The following ATAD2B variants were observed in gnomAD, a reference collection of about 807,000 sequenced individuals.
ATAD2B encodes the protein ATPase family AAA domain containing 2B.
In ATAD2B, 40 loss-of-function variants were observed where a neutral mutation model predicts 167.6. The observed-to-expected ratio is 0.24, with a 90% CI of 0.19 to 0.31. The LOEUF is 0.31. Among genes scored for constraint, ATAD2B ranks in the 10% least tolerant of loss-of-function variants. The pLI is 1.00. For synonymous variants in ATAD2B, 579 were observed against 596.5 expected (o/e 0.97, Z 0.43); for missense variants, 1,242 against 1,757.2 (o/e 0.71, Z 5.24).
At chr2:23,782,278 A>T (rs1292396675) in intron 22 of ATAD2B, among the ~76,000 whole-genome samples, 1 of 152,206 alleles carries the variant, frequency 6.6e-6, no homozygotes, top group Non-Finnish European at 1.5e-5. Flanking sequence ...TCCAAATCCT[A>T]TATGGTTCCC....
chr2:23,696,178 A>G, the ATAD2B span: 1 of 1,527,862 alleles, frequency 6.5e-7, no homozygotes, highest in Non-Finnish European at 8.8e-7. This position sits in a 1 kb window ranked among gnomAD's most constrained non-coding sequence, Gnocchi z 5.5. Context: ...TGGGGGTCCC[A>G]AGGGGACTGC....
At chr2:23,890,662 C>T (rs1699347550) in intron 2 of ATAD2B, among the ~76,000 whole-genome samples, 1 of 152,172 alleles carries the variant, frequency 6.6e-6, no homozygotes, top group South Asian at 2.1e-4. Context: ...TGAATTCTGA[C>T]TATATACAAA....
chr2:23,862,792 G>T (rs1010953524), intron 12 of ATAD2B, among the ~76,000 whole-genome samples: 15 of 152,052 alleles, frequency 9.9e-5, no homozygotes, highest in African/African-American at 3.6e-4. Flanking sequence ...TATGCCTGTT[G>T]TAGTTCCCCA....
chr2:23,861,926 C>T (rs1694428878), intron 12 of ATAD2B, among the ~76,000 whole-genome samples: 1 of 152,206 alleles, frequency 6.6e-6, no homozygotes. Context: ...CTGGGCCAGA[C>T]ACAGAGGCTC....
Position 23,788,564 on chromosome 2 carries a change from T to C in ATAD2B, c.2724A>G (p.Gln908=). 1 of 1,613,208 alleles carries C rather than the reference T, an allele frequency of 6.2e-7. No homozygotes were observed. ...PIEEDRRKFF[Q]ELILNQASMA... ...TTGATGCCTGATTGAGAATCAATTC[T>C]TGAAAAAATTTTCTTCTGTCTTCTT... is the stretch of plus-strand genomic sequence containing the variant. The change falls in exon 20 of 28, where the codon CAA becomes CAG. Residue 908 remains glutamine, a synonymous_variant. Transcript: ENST00000238789.
Position 23,786,207 on chromosome 2 carries a change from T to G in ATAD2B, c.2793A>C (p.Glu931Asp), listed in dbSNP as rs147132977. 7.5e-4 allele frequency: 1,179 copies of G among 1,580,218 alleles called. 9 individuals carry two copies. The African/African-American group carries it at 0.014, about 18-fold the overall frequency. ...GAGAAGGTAGTGCAAGAGGAAGCAC[T>G]TCCATAGCACAAAGAGCTAGAGAAA... ...RRKHAALCAM[E>D]VLPLALPSPP... The change falls in exon 21 of 28, where the codon GAA becomes GAC. Residue 931 changes from glutamate (E) to aspartate (D), a missense_variant. Around this residue, in one of 9 missense-constraint regions of ATAD2B, gnomAD observed 204 missense variants for 324.0 expected, o/e 0.63. Transcript: ENST00000238789.
the ATAD2B span, among the ~76,000 whole-genome samples, chr2:23,705,963 C>T: frequency 1.3e-5 from 2 of 152,232 alleles, no homozygotes; most frequent in African/African-American, 2.4e-5. Flanking sequence ...CCCTGCAGAG[C>T]ATGCCCGGCC....
At chr2:23,693,347 T>G in the ATAD2B span, 4 of 1,551,582 alleles carry the variant, frequency 2.6e-6, no homozygotes, top group Non-Finnish European at 2.6e-6. Flanking sequence ...CTCTACCACA[T>G]GGCCAAGGCC....
In ATAD2B at chr2:23,927,112, A is replaced by G. The variant is rs1705014413; in HGVS notation, c.-342T>C. On this transcript the variant is annotated 5_prime_UTR_variant, in exon 1 of 28. Transcript: ENST00000238789. ...CCGTGCGTCAAGGCTCCAGCGCCGC[A>G]GGGCCAACGAGACCGCTTCCGGCCG... 1 of 219,626 alleles carries G rather than the reference A, an allele frequency of 4.6e-6. No homozygotes were observed. Among genetic ancestry groups the G allele is most frequent in the Non-Finnish European group, 9.0e-6 (1 of 111,618 alleles). The allele number at this position is 219,626 out of a possible 1,614,324, so 13.6% of individuals were successfully genotyped here.
downstream of ATAD2B, among the ~76,000 whole-genome samples, chr2:23,745,360 GGAAGGAAA>G (rs1285712491): frequency 2.7e-4 from 32 of 117,852 alleles, no homozygotes; most frequent in African/African-American, 8.1e-4. Context: ...ATGGAAGGAA[GGAAGGAAA>G]GAAGGAAGGA....
rs1330222145 is a variant in ATAD2B, at chr2:23,749,874, A to G, written c.*2172T>C. ...AACATGTGCATTTTTTTTTCCTTTC[A>G]CAAGTGCTGCTGTTACTTGAAAAGA... On this transcript the variant is annotated 3_prime_UTR_variant, in exon 28 of 28. Coordinates refer to ENST00000238789, the MANE Select transcript of ATAD2B (RefSeq NM_017552.4). The G allele has an allele frequency of 6.6e-6, 1 of 151,854 alleles. No individual in the cohort carries two copies. The highest frequency in any genetic ancestry group is 1.9e-4 in the East Asian group (1 of 5,198). The allele number at this position is 151,854 out of a possible 1,614,324, so 9.4% of individuals were successfully genotyped here.
intron 8 of ATAD2B, chr2:23,873,146 C>T (rs1476278389): frequency 2.8e-6 from 1 of 354,318 alleles, no homozygotes; most frequent in East Asian, 6.4e-5. Context: ...TTCTCCCCAT[C>T]AGGAAAGTTC....
At chr2:23,915,257 G>A (rs1266823436) in intron 1 of ATAD2B, among the ~76,000 whole-genome samples, 3 of 151,998 alleles carry the variant, frequency 2.0e-5, no homozygotes, top group Non-Finnish European at 2.9e-5. Context: ...AACCAACACA[G>A]TAACCAAGTA....
At chr2:23,725,399 A>G in the ATAD2B span, among the ~76,000 whole-genome samples, 48 of 152,356 alleles carry the variant, frequency 3.2e-4, no homozygotes, top group African/African-American at 1.1e-3. Flanking sequence ...CTGTGTAAAT[A>G]TAACAGATTA....
intron 24 of ATAD2B, 125 bp from the exon 25 acceptor site, chr2:23,758,226 A>C (rs1676180090): frequency 1.4e-6 from 1 of 708,392 alleles, no homozygotes; most frequent in African/African-American, 1.8e-5. Flanking sequence ...AAAACTACTT[A>C]GCTCTTGACA....
chr2:23,895,985 T>A lies in ATAD2B; in HGVS notation c.217-15A>T, dbSNP rs981211054. On this transcript the variant is annotated splice_polypyrimidine_tract_variant and intron_variant, in intron 1 of 27. Coordinates refer to ENST00000238789, the MANE Select transcript of ATAD2B (RefSeq NM_017552.4). ...ACTTCAACTTTCTGAAAGACAATGT[T>A]AAAAATGTATTTATTATTCCTATTA... 6.3e-7 allele frequency: 1 copy of A among 1,598,212 alleles called. No homozygotes were observed. The highest frequency in any genetic ancestry group is 1.3e-5 in the African/African-American group (1 of 74,544).
Position 23,823,577 on chromosome 2 carries a change from A to C in ATAD2B, c.1820-8T>G, listed in dbSNP as rs1687791041. Reference sequence around the variant, plus strand: ...TATCGGCTCCACAGTAGCCTAATACACAAAAGGAGAAGGATAGCAAAGGTA... The same window carrying C: ...TATCGGCTCCACAGTAGCCTAATACCCAAAAGGAGAAGGATAGCAAAGGTA... On this transcript the variant is annotated splice_polypyrimidine_tract_variant and splice_region_variant and intron_variant, in intron 15 of 27. Coordinates refer to ENST00000238789, the MANE Select transcript of ATAD2B (RefSeq NM_017552.4). 6.2e-7 allele frequency: 1 copy of C among 1,606,692 alleles called. No homozygotes were observed. Among genetic ancestry groups the C allele is most frequent in the African/African-American group, 1.3e-5 (1 of 74,748 alleles).
At chr2:23,906,749 C>T (rs1301082248) in intron 1 of ATAD2B, among the ~76,000 whole-genome samples, 4 of 151,760 alleles carry the variant, frequency 2.6e-5, no homozygotes, top group Non-Finnish European at 4.4e-5. Flanking sequence ...TCCAGCAGCA[C>T]ATCAAAAAGC....
At chr2:23,726,378 TTG>T in the ATAD2B span, among the ~76,000 whole-genome samples, 1 of 152,218 alleles carries the variant, frequency 6.6e-6, no homozygotes, top group African/African-American at 2.4e-5. Context: ...TTAATATATT[TTG>T]TGTGTTAATA....
Sources: allele counts gnomAD v4.1 joint callset (sites outside exome capture counted in the v4.1 genomes callset), GRCh38; gene constraint gnomAD v4.1.1; regional missense constraint gnomAD v4.1.1; non-coding constraint Gnocchi (gnomAD v3.1); transcripts MANE v1.5; gene names NCBI Gene and HGNC (gene_info 2026-07-23, HGNC 2026-07-21).